Variants in TENM3 observed in about 807,000 individuals in gnomAD.
The protein encoded by TENM3 is teneurin transmembrane protein 3, also known as teneurin-3.
A neutral mutation model predicts 255.1 loss-of-function variants in TENM3; 63 were observed. That is an observed-to-expected ratio of 0.25 (90% CI 0.20 to 0.30). The LOEUF (loss-of-function observed/expected upper bound fraction) is 0.30, where lower values mean the gene tolerates loss of function less well. Ranked by LOEUF, TENM3 falls within the 10% of genes least tolerant of loss-of-function variation. TENM3 has a pLI of 1.00. For missense variants in TENM3, 2,929 were observed against 3,461.1 expected (o/e 0.85, Z 3.86); for synonymous variants, 1,306 against 1,322.3 (o/e 0.99, Z 0.27).
chr4:182,158,020 A>T (rs1406073458), intron 1 of TENM3, among the ~76,000 whole-genome samples: 2 of 152,124 alleles, frequency 1.3e-5, no homozygotes, highest in African/African-American at 4.8e-5. Context: ...GTATTTCTTT[A>T]CTGTTAGAAA....
the TENM3 span, among the ~76,000 whole-genome samples, chr4:182,124,078 G>A: frequency 6.6e-6 from 1 of 152,128 alleles, no homozygotes; most frequent in African/African-American, 2.4e-5. Flanking sequence ...TTGAGATGGA[G>A]TCTCACTCCG....
the TENM3 span, among the ~76,000 whole-genome samples, chr4:181,681,298 A>T: frequency 6.6e-6 from 1 of 152,072 alleles, no homozygotes; most frequent in South Asian, 2.1e-4. Flanking sequence ...TTTTCGTAGA[A>T]ATAACTAACA....
intron 1 of TENM3, among the ~76,000 whole-genome samples, chr4:182,227,258 C>A (rs1003761417): frequency 1.3e-5 from 2 of 152,186 alleles, no homozygotes; most frequent in African/African-American, 4.8e-5. Context: ...CCATTAATTT[C>A]TCAGAGCTGT....
chr4:182,455,982 TAGGG>T (rs1773849361), intron 3 of TENM3, among the ~76,000 whole-genome samples: 1 of 152,212 alleles, frequency 6.6e-6, no homozygotes, highest in Admixed American at 6.5e-5. Context: ...TCTCCCCCAC[TAGGG>T]GGACAGGTTC....
chr4:181,520,569 T>A, the TENM3 span, among the ~76,000 whole-genome samples: 1,336 of 152,196 alleles, frequency 8.8e-3, 22 homozygotes, highest in African/African-American at 0.03. Flanking sequence ...CCTCTAGTTT[T>A]TGTAAGGAAA....
intron 22 of TENM3, among the ~76,000 whole-genome samples, chr4:182,764,996 A>G (rs2152775677): frequency 6.6e-6 from 1 of 152,310 alleles, no homozygotes; most frequent in Admixed American, 6.5e-5. Context: ...AGGATCAAGG[A>G]TGAGTTTCCT....
At chr4:181,539,851 C>A in the TENM3 span, among the ~76,000 whole-genome samples, 2 of 152,122 alleles carry the variant, frequency 1.3e-5, no homozygotes, top group Non-Finnish European at 2.9e-5. Flanking sequence ...ATGTTGATGA[C>A]ATTTAAATGA....
the TENM3 span, among the ~76,000 whole-genome samples, chr4:182,100,222 G>A: frequency 6.6e-6 from 1 of 151,286 alleles, no homozygotes; most frequent in East Asian, 2.0e-4. Flanking sequence ...TCTCTAAAAT[G>A]TCAGGATCAT....
chr4:182,172,106 A>ATATT (rs10648739), intron 1 of TENM3, among the ~76,000 whole-genome samples: 114,523 of 151,470 alleles, frequency 0.76, 43,631 homozygotes, highest in Non-Finnish European at 0.81. Context: ...ACCATTATAA[A>ATATT]TATTTAGCTC....
chr4:181,461,773 A>G, the TENM3 span, among the ~76,000 whole-genome samples: 17,729 of 151,928 alleles, frequency 0.12, 1,286 homozygotes, highest in East Asian at 0.14. Flanking sequence ...AACATCCTTG[A>G]GTATCTGGTC....
chr4:181,492,219 GA>G, the TENM3 span, among the ~76,000 whole-genome samples: 3 of 152,104 alleles, frequency 2.0e-5, no homozygotes, highest in African/African-American at 7.2e-5. Context: ...TCTTTAATTT[GA>G]AAATCTTTTT....
At chr4:181,649,897 TG>T in the TENM3 span, among the ~76,000 whole-genome samples, 2 of 152,178 alleles carry the variant, frequency 1.3e-5, no homozygotes, top group African/African-American at 2.4e-5. Flanking sequence ...GAGTGGATTG[TG>T]GGTCCTTAAA....
chr4:181,517,918 TC>T, the TENM3 span, among the ~76,000 whole-genome samples: 1 of 152,220 alleles, frequency 6.6e-6, no homozygotes, highest in East Asian at 1.9e-4. Context: ...TTAAGCCCTT[TC>T]CAGCACGCTC....
chr4:181,482,769 C>G, the TENM3 span, among the ~76,000 whole-genome samples: 1 of 152,070 alleles, frequency 6.6e-6, no homozygotes, highest in Non-Finnish European at 1.5e-5. Flanking sequence ...ACCGACCTTT[C>G]GTTTTATATG....
the TENM3 span, among the ~76,000 whole-genome samples, chr4:181,800,189 G>A: frequency 5.9e-5 from 9 of 152,186 alleles, no homozygotes; most frequent in Non-Finnish European, 1.2e-4. Flanking sequence ...ACTCCTAACC[G>A]TGTAATGACC....
At chr4:181,852,071 C>A in the TENM3 span, among the ~76,000 whole-genome samples, 1 of 152,132 alleles carries the variant, frequency 6.6e-6, no homozygotes, top group South Asian at 2.1e-4. Flanking sequence ...CACGTCTTTC[C>A]AGCCAAACCA....
At chr4:182,639,542 T>G in intron 5 of TENM3, among the ~76,000 whole-genome samples, 1 of 152,202 alleles carries the variant, frequency 6.6e-6, no homozygotes, top group Admixed American at 6.5e-5. Context: ...GCAAGTCCTT[T>G]AAAAGGAACC....
At chr4:181,751,542 C>A in the TENM3 span, among the ~76,000 whole-genome samples, 1 of 152,012 alleles carries the variant, frequency 6.6e-6, no homozygotes, top group Non-Finnish European at 1.5e-5. Flanking sequence ...GCTTTCTGAT[C>A]CAGAACCGAT....
the TENM3 span, among the ~76,000 whole-genome samples, chr4:181,666,171 A>G: frequency 5.3e-5 from 8 of 152,214 alleles, no homozygotes; most frequent in Non-Finnish European, 7.4e-5. Flanking sequence ...AGTCTTAACC[A>G]TGAGGAAAAG....
Sources: allele counts gnomAD v4.1 joint callset (sites outside exome capture counted in the v4.1 genomes callset), GRCh38; gene constraint gnomAD v4.1.1; transcripts MANE v1.5; gene names NCBI Gene and HGNC (gene_info 2026-07-23, HGNC 2026-07-21).